The following UBE2D3 variants were observed in gnomAD, a reference collection of about 807,000 sequenced individuals.
UBE2D3 encodes the protein ubiquitin conjugating enzyme E2 D3.
UBE2D3 carries 2 observed loss-of-function variants against 22.8 expected under a neutral mutation model. The observed-to-expected ratio is 0.09, with a 90% confidence interval of 0.04 to 0.28. The LOEUF (loss-of-function observed/expected upper bound fraction) is 0.28. UBE2D3 is among the 10% of genes least tolerant of loss of function. The pLI is 1.00. For synonymous variants in UBE2D3, 56 were observed against 60.4 expected, an observed-to-expected ratio of 0.93 and a Z score of 0.34; for missense variants, 27 against 182.5, an observed-to-expected ratio of 0.15 and a Z score of 4.91.
At chr4:102,859,224 G>T (rs1026290627) in intron 1 of UBE2D3, among the ~76,000 whole-genome samples, 1 of 151,908 alleles carries the variant, frequency 6.6e-6, no homozygotes, top group African/African-American at 2.4e-5. Context: ...AGTATTTTGA[G>T]TATATCATCC....
chr4:102,840,639 A>T (rs1731699871), intron 1 of UBE2D3, among the ~76,000 whole-genome samples: 1 of 152,172 alleles, frequency 6.6e-6, no homozygotes, highest in Admixed American at 6.5e-5. Context: ...TATGGAACAA[A>T]GGAATGTTTA....
chr4:102,801,349 A>G, intron 6 of UBE2D3, 105 bp downstream of exon 6: 1 of 927,960 alleles, frequency 1.1e-6, no homozygotes, highest in East Asian at 2.8e-5. Context: ...TTGCTTCCCC[A>G]TCTCTTACCA....
At chr4:102,842,925 C>T (rs1731839835) in intron 1 of UBE2D3, among the ~76,000 whole-genome samples, 1 of 33,456 alleles carries the variant, frequency 3.0e-5, no homozygotes, top group South Asian at 7.8e-4. Context: ...GCCTGGCCAA[C>T]GTGGTGAAAC....
chr4:102,852,538 T>A (rs183245014), intron 1 of UBE2D3, among the ~76,000 whole-genome samples: 39 of 152,356 alleles, frequency 2.6e-4, no homozygotes, highest in Middle Eastern at 3.4e-3. Context: ...CTTTTCTCCA[T>A]CTTTTTCTCA....
intron 4 of UBE2D3, among the ~76,000 whole-genome samples, chr4:102,802,848 A>T (rs866815181): frequency 1.3e-5 from 2 of 152,244 alleles, no homozygotes; most frequent in South Asian, 4.1e-4. Context: ...TAGTCATTTT[A>T]CACGTCACCA....
intron 2 of UBE2D3, chr4:102,811,984 A>G (rs1728118742): frequency 5.4e-6 from 1 of 183,612 alleles, no homozygotes; most frequent in Admixed American, 6.4e-5. Context: ...AACTACAGGA[A>G]TTTAAAAATG....
upstream of UBE2D3, among the ~76,000 whole-genome samples, chr4:102,829,249 A>T (rs1266405154): frequency 6.6e-6 from 1 of 152,078 alleles, no homozygotes; most frequent in East Asian, 1.9e-4. Flanking sequence ...CGTCTGAACC[A>T]CCCCGTGAGT....
chr4:102,820,971 A>G (rs1246035311), intron 2 of UBE2D3, among the ~76,000 whole-genome samples: 1 of 152,224 alleles, frequency 6.6e-6, no homozygotes, highest in Non-Finnish European at 1.5e-5. Flanking sequence ...AAGTATCATT[A>G]GGAGATAAAA....
intron 1 of UBE2D3, among the ~76,000 whole-genome samples, chr4:102,867,484 G>T (rs758995800): frequency 6.6e-6 from 1 of 152,156 alleles, no homozygotes; most frequent in Non-Finnish European, 1.5e-5. Flanking sequence ...CGGACATTTT[G>T]ACTTCAGCCA....
intron 2 of UBE2D3, chr4:102,810,135 G>T: frequency 3.0e-6 from 1 of 328,598 alleles, no homozygotes. Flanking sequence ...GCTATAATTA[G>T]ATATTCTCAT....
Position 102,868,072 on chromosome 4 carries a change from C to CTTTTTT in UBE2D3, c.-129+637_-129+642dup, listed in dbSNP as rs11418599. Among the ~76,000 whole-genome samples the CTTTTTT allele has an allele frequency of 6.7e-3, 770 of 115,200 alleles. 28 individuals are homozygous for CTTTTTT. The highest frequency in any genetic ancestry group is 0.01 in the South Asian group (36 of 3,582). 75.6% of individuals were successfully genotyped at this position (115,200 alleles called of 152,430 possible). A position where few individuals can be genotyped will look rare whatever the true frequency, so the allele number is the denominator to read the frequency against. Reference sequence around the variant, plus strand: ...AAAACCATACATAAGGCTTTAGATTCTTTTTTTTTTTTTTTTTTGTGACGG... The same window carrying CTTTTTT: ...AAAACCATACATAAGGCTTTAGATTCTTTTTTTTTTTTTTTTTTTTTTTTGTGACGG... On this transcript the variant is annotated intron_variant, in intron 1 of 7. Coordinates refer to the UBE2D3 transcript ENST00000338145.
chr4:102,860,450 C>G (rs928004270), intron 1 of UBE2D3, among the ~76,000 whole-genome samples: 8 of 150,026 alleles, frequency 5.3e-5, no homozygotes, highest in African/African-American at 1.5e-4. Flanking sequence ...TTCTTTTAAG[C>G]CTTGTCTTCT....
At position 102,797,546 on chromosome 4, in the gene UBE2D3, C is replaced by A. The variant is rs1725395266; in HGVS notation, c.399-86G>T. 3.6e-6 allele frequency: 4 copies of A among 1,103,624 alleles called. No individual in the cohort carries two copies. The East Asian group carries it at 1.0e-4, about 28-fold the overall frequency. The allele number at this position is 1,103,624 out of a possible 1,614,324, so 68.4% of individuals were successfully genotyped here. On this transcript the variant is annotated intron_variant, in intron 7 of 7. Transcript: ENST00000453744. Reference sequence around the variant, plus strand: ...AAGGGAAAGATTTCCATTTTATCATCTCCAGACTCATCATGAAGTCATCTC... The same window carrying A: ...AAGGGAAAGATTTCCATTTTATCATATCCAGACTCATCATGAAGTCATCTC...
At chr4:102,813,104 C>G (rs190043459) in intron 2 of UBE2D3, 2 of 152,248 alleles carry the variant, frequency 1.3e-5, no homozygotes, top group Admixed American at 6.5e-5. Flanking sequence ...TTTAACTGCT[C>G]TAATAGTATC....
Position 102,821,512 on chromosome 4 carries a change from A to T in UBE2D3, c.24+4973T>A, listed in dbSNP as rs569864432. 1.3e-4 allele frequency among the ~76,000 whole-genome samples: 20 copies of T among 152,264 alleles called. No individual in the cohort carries two copies. In the East Asian group the frequency reaches 3.9e-3, roughly 29 times the overall value. On this transcript the variant is annotated intron_variant, in intron 2 of 7. Coordinates refer to ENST00000453744, the MANE Select transcript of UBE2D3 (RefSeq NM_181891.3). ...TACTCCCTTGTATCTGTGGTTCTTAATCAGAGAGGAGCTTCAGAATCACCT... is the reference window on the plus strand; with the variant it reads ...TACTCCCTTGTATCTGTGGTTCTTATTCAGAGAGGAGCTTCAGAATCACCT...
intron 2 of UBE2D3, among the ~76,000 whole-genome samples, chr4:102,824,067 T>G (rs965634324): frequency 1.3e-5 from 2 of 152,212 alleles, no homozygotes; most frequent in Admixed American, 1.3e-4. Context: ...TGTGGAATGT[T>G]TGAAAGTTGC....
intron 4 of UBE2D3, among the ~76,000 whole-genome samples, chr4:102,807,402 A>C (rs892661942): frequency 6.6e-6 from 1 of 152,210 alleles, no homozygotes; most frequent in African/African-American, 2.4e-5. Context: ...TTACTTATGT[A>C]CAAGACAATA....
Position 102,796,222 on chromosome 4 carries a change from A to G in UBE2D3, c.*1193T>C, listed in dbSNP as rs760668733. 1 of 152,404 alleles carries G rather than the reference A, an allele frequency of 6.6e-6. No individual in the cohort carries two copies. The highest frequency in any genetic ancestry group is 1.5e-5 in the Non-Finnish European group (1 of 67,900). 9.4% of individuals were successfully genotyped at this position (152,404 alleles called of 1,614,324 possible). On this transcript the variant is annotated 3_prime_UTR_variant, in exon 8 of 8. Coordinates refer to ENST00000453744, the MANE Select transcript of UBE2D3 (RefSeq NM_181891.3). ...TTTCAGCTGTCAAGTGTACAAGGTG[A>G]AGAGAAATTTCAGTTAGACAGGGGC... is the stretch of plus-strand genomic sequence containing the variant.
chr4:102,798,243 T>C (rs967556398), intron 7 of UBE2D3, among the ~76,000 whole-genome samples: 3 of 119,494 alleles, frequency 2.5e-5, no homozygotes, highest in Admixed American at 9.0e-5. Context: ...ATAGACTACT[T>C]ACAACAACAA....
Sources: gnomAD v4.1 joint callset for allele counts (sites outside exome capture counted in the v4.1 genomes callset) on GRCh38, gnomAD v4.1.1 for gene constraint, MANE v1.5 for transcripts, NCBI Gene and HGNC (gene_info 2026-07-23, HGNC 2026-07-21) for gene names.